The following ITFG1 variants were observed in gnomAD, a reference collection of about 807,000 sequenced individuals.
The protein encoded by ITFG1 is T-cell immunomodulatory protein.
In ITFG1, 34 loss-of-function variants were observed where a neutral mutation model predicts 81.8. That is an observed-to-expected ratio of 0.42 (90% CI 0.32 to 0.55). ITFG1 has a LOEUF of 0.55. ITFG1 is among the 20% of genes least tolerant of loss of function. ITFG1 has a pLI of 0.17. For missense variants in ITFG1, 672 were observed against 755.4 expected (o/e 0.89, Z 1.29); for synonymous variants, 285 against 270.6 (o/e 1.05, Z -0.52).
At chr16:47,240,802 T>C (rs1392888421) in intron 12 of ITFG1, among the ~76,000 whole-genome samples, 1 of 152,198 alleles carries the variant, frequency 6.6e-6, no homozygotes, top group Non-Finnish European at 1.5e-5. Flanking sequence ...TCATTTATTG[T>C]ATAATTTCAT....
chr16:47,250,358 C>A (rs1052470085), intron 12 of ITFG1, among the ~76,000 whole-genome samples: 4 of 150,478 alleles, frequency 2.7e-5, no homozygotes, highest in Non-Finnish European at 4.4e-5. Context: ...ATAATATATA[C>A]CTATATAAAT....
intron 10 of ITFG1, among the ~76,000 whole-genome samples, chr16:47,288,165 T>G (rs1459751960): frequency 1.3e-5 from 2 of 152,236 alleles, no homozygotes; most frequent in African/African-American, 4.8e-5. Flanking sequence ...TGAGATAAAC[T>G]ATTTTAGCTT....
chr16:47,432,223 G>T (rs976674706), intron 5 of ITFG1, among the ~76,000 whole-genome samples: 5 of 152,178 alleles, frequency 3.3e-5, no homozygotes, highest in Non-Finnish European at 7.3e-5. Flanking sequence ...CGTTTTCATA[G>T]TAATATGTTC....
chr16:47,193,017 G>C (rs1037534071), intron 14 of ITFG1, among the ~76,000 whole-genome samples: 5 of 152,000 alleles, frequency 3.3e-5, no homozygotes, highest in African/African-American at 1.2e-4. Flanking sequence ...TGTCTGTTCT[G>C]GTTTTGGGGG....
upstream of ITFG1, chr16:47,461,071 G>A (rs1439040787): frequency 9.3e-6 from 14 of 1,502,246 alleles, no homozygotes; most frequent in African/African-American, 9.8e-5. Flanking sequence ...CCCGCCCGCC[G>A]GCCCAACGCC....
chr16:47,282,209 TG>T (rs1410660470), intron 10 of ITFG1, among the ~76,000 whole-genome samples: 1 of 151,860 alleles, frequency 6.6e-6, no homozygotes, highest in African/African-American at 2.4e-5. Flanking sequence ...TATATACTAC[TG>T]TACCCATGAG....
chr16:47,215,059 T>C (rs1425759441), intron 14 of ITFG1, among the ~76,000 whole-genome samples: 1 of 152,198 alleles, frequency 6.6e-6, no homozygotes, highest in Non-Finnish European at 1.5e-5. Context: ...TTTTATTCTA[T>C]TAAGTAAAAT....
chr16:47,211,263 A>G (rs1356128095), intron 14 of ITFG1, among the ~76,000 whole-genome samples: 1 of 152,182 alleles, frequency 6.6e-6, no homozygotes, highest in East Asian at 1.9e-4. Context: ...ATACTTAAGT[A>G]TTTCACATTT....
intron 8 of ITFG1, among the ~76,000 whole-genome samples, chr16:47,326,234 C>T (rs1967538834): frequency 1.3e-5 from 2 of 152,182 alleles, no homozygotes; most frequent in African/African-American, 2.4e-5. Flanking sequence ...ACATGATTAT[C>T]TCAATAGATG....
At chr16:47,419,624 T>TGA (rs1555515733) in intron 6 of ITFG1, among the ~76,000 whole-genome samples, 1,598 of 124,192 alleles carry the variant, frequency 0.013, 46 homozygotes, top group African/African-American at 0.045. Flanking sequence ...TTTTTTTTTT[T>TGA]GAGATGGAGT....
intron 6 of ITFG1, among the ~76,000 whole-genome samples, chr16:47,411,858 C>A (rs191658127): frequency 3.3e-5 from 5 of 152,138 alleles, no homozygotes; most frequent in Admixed American, 1.3e-4. Flanking sequence ...ACAAAAGAGG[C>A]GCACTGCTGA....
intron 17 of ITFG1, among the ~76,000 whole-genome samples, chr16:47,157,035 A>C (rs553884797): frequency 3.3e-4 from 51 of 152,330 alleles, no homozygotes; most frequent in Non-Finnish European, 5.6e-4. Context: ...GGGGCAGTGC[A>C]GTAGGAATGT....
Position 47,186,055 on chromosome 16 carries a change from A to C in ITFG1, c.1454-23391T>G, listed in dbSNP as rs1009297256. Reference sequence around the variant, plus strand: ...GACACATACACCCTCCCAAGACTAAACCAGGAAGAAGTTGAATCTCTGAAT... The same window carrying C: ...GACACATACACCCTCCCAAGACTAACCCAGGAAGAAGTTGAATCTCTGAAT... On this transcript the variant is annotated intron_variant, in intron 14 of 17. Coordinates refer to ENST00000320640, the MANE Select transcript of ITFG1 (RefSeq NM_030790.5). Among the ~76,000 whole-genome samples, 104 of 152,292 alleles carry C rather than the reference A, an allele frequency of 6.8e-4. 1 individual carries two copies. Among genetic ancestry groups the C allele is most frequent in the African/African-American group, 2.4e-3 (98 of 41,562 alleles).
At chr16:47,305,686 T>A (rs530778889) in intron 10 of ITFG1, among the ~76,000 whole-genome samples, 8 of 152,294 alleles carry the variant, frequency 5.3e-5, no homozygotes, top group African/African-American at 1.9e-4. Context: ...CAGACTTGAC[T>A]AGCAAAAGTG....
chr16:47,339,396 T>A (rs1449772737), intron 8 of ITFG1, among the ~76,000 whole-genome samples: 1 of 152,312 alleles, frequency 6.6e-6, no homozygotes, highest in East Asian at 1.9e-4. Flanking sequence ...ACTGTAATAA[T>A]GTATATTCCT....
intron 6 of ITFG1, among the ~76,000 whole-genome samples, chr16:47,426,862 A>G (rs1435457678): frequency 6.6e-6 from 1 of 152,198 alleles, no homozygotes; most frequent in Admixed American, 6.5e-5. Context: ...TTTAAAGAAA[A>G]TAAGTTTTAT....
At position 47,225,621 on chromosome 16, in the gene ITFG1, G is replaced by A. The variant is rs7195587; in HGVS notation, c.1375-6675C>T. On this transcript the variant is annotated intron_variant, in intron 13 of 17. Transcript: ENST00000320640. ...CTCAATTCTCATCAGAAACCCAGGA[G>A]GCTAGAAGGCAATAGGATGATAAAT... is the stretch of plus-strand genomic sequence containing the variant. Among the ~76,000 whole-genome samples the A allele has an allele frequency of 2.6e-3, 390 of 152,230 alleles. 3 individuals carry two copies. Among genetic ancestry groups the A allele is most frequent in the African/African-American group, 8.9e-3 (371 of 41,538 alleles).
intron 5 of ITFG1, among the ~76,000 whole-genome samples, chr16:47,434,109 G>A (rs1423577342): frequency 6.6e-6 from 1 of 151,074 alleles, no homozygotes; most frequent in East Asian, 1.9e-4. Context: ...AAAAATCCTA[G>A]AAGAAAATCT....
At position 47,168,545 on chromosome 16, in the gene ITFG1, GT is replaced by G. The variant is rs758632507; in HGVS notation, c.1454-5882del. Among the ~76,000 whole-genome samples, 319 of 117,654 alleles carry G rather than the reference GT, an allele frequency of 2.7e-3. 1 individual carries two copies. Among genetic ancestry groups the G allele is most frequent in the Non-Finnish European group, 3.1e-3 (176 of 56,622 alleles). The allele number at this position is 117,654 out of a possible 152,430, so 77.2% of individuals were successfully genotyped here. The stretch of plus-strand genomic sequence containing the variant: ...TGCCACTGCCTCTGGCTAATTAAAA[GT>G]TTTTTTTTTTTTTTTTTTTTTTCTA... On this transcript the variant is annotated intron_variant, in intron 14 of 17. Coordinates refer to ENST00000320640, the MANE Select transcript of ITFG1 (RefSeq NM_030790.5).
Sources: allele counts gnomAD v4.1 joint callset (sites outside exome capture counted in the v4.1 genomes callset), GRCh38; gene constraint gnomAD v4.1.1; transcripts MANE v1.5; gene names NCBI Gene and HGNC (gene_info 2026-07-23, HGNC 2026-07-21).